PPP2R2B: variants seen among roughly 807,000 people sequenced by gnomAD.
The protein encoded by PPP2R2B is protein phosphatase 2 regulatory subunit Bbeta.
A neutral mutation model predicts 46.0 loss-of-function variants in PPP2R2B; 5 were observed. The observed-to-expected ratio is 0.11, with a 90% CI of 0.06 to 0.23. PPP2R2B has a LOEUF of 0.23. PPP2R2B is among the 10% of genes least tolerant of loss of function. PPP2R2B has a pLI of 1.00. For missense variants in PPP2R2B, 367 were observed against 575.0 expected, an observed-to-expected ratio of 0.64 and a Z score of 3.70; for synonymous variants, 215 against 206.7, an observed-to-expected ratio of 1.04 and a Z score of -0.34.
chr5:146,856,568 G>T, intron 2 of PPP2R2B: 1 of 1,612,514 alleles, frequency 6.2e-7, no homozygotes, highest in Non-Finnish European at 8.5e-7. Context: ...CTCTGTCTTG[G>T]GTTCTCCCTT....
At chr5:146,835,405 G>A (rs554625509) in intron 2 of PPP2R2B, among the ~76,000 whole-genome samples, 7 of 152,202 alleles carry the variant, frequency 4.6e-5, no homozygotes, top group Non-Finnish European at 1.0e-4. Flanking sequence ...GAAGCATAGA[G>A]CCCACTTCAG....
chr5:146,723,190 G>A (rs190509226), intron 2 of PPP2R2B, among the ~76,000 whole-genome samples: 138 of 152,294 alleles, frequency 9.1e-4, no homozygotes, highest in African/African-American at 3.3e-3. Context: ...CAGTGTATGG[G>A]TATGGTACAT....
chr5:146,589,720 G>T lies in PPP2R2B; in HGVS notation c.*227C>A. On this transcript the variant is annotated 3_prime_UTR_variant, in exon 10 of 10. Coordinates refer to ENST00000394411, the MANE Select transcript of PPP2R2B (RefSeq NM_181675.4). ...GTCAACTATGGAAGAATTACTGTTAGCTGGCAGCTTTCAATTCTAAACAGA... is the reference window on the plus strand; with the variant it reads ...GTCAACTATGGAAGAATTACTGTTATCTGGCAGCTTTCAATTCTAAACAGA... The T allele has an allele frequency of 1.9e-6, 1 of 519,572 alleles. No individual in the cohort carries two copies. The highest frequency in any genetic ancestry group is 3.4e-6 in the Non-Finnish European group (1 of 294,844). The allele number at this position is 519,572 out of a possible 1,614,324, so 32.2% of individuals were successfully genotyped here.
At chr5:146,924,463 A>G (rs1383982250) in intron 1 of PPP2R2B, among the ~76,000 whole-genome samples, 6 of 152,168 alleles carry the variant, frequency 3.9e-5, no homozygotes, top group Non-Finnish European at 7.3e-5. Flanking sequence ...GCCCTTCCCA[A>G]GTACTGGAGA....
intron 1 of PPP2R2B, among the ~76,000 whole-genome samples, chr5:146,886,114 G>A (rs1383969943): frequency 2.0e-5 from 3 of 152,118 alleles, no homozygotes; most frequent in African/African-American, 7.2e-5. Flanking sequence ...CGAGGCGGGC[G>A]GATCACGAGG....
At chr5:146,942,102 T>A (rs1284385563) in intron 1 of PPP2R2B, among the ~76,000 whole-genome samples, 1 of 152,182 alleles carries the variant, frequency 6.6e-6, no homozygotes, top group Non-Finnish European at 1.5e-5. Flanking sequence ...TAATTCAGAA[T>A]GATCTCATTT....
chr5:146,710,648 C>T (rs977564936), intron 2 of PPP2R2B, among the ~76,000 whole-genome samples: 2 of 152,176 alleles, frequency 1.3e-5, no homozygotes, highest in African/African-American at 2.4e-5. Flanking sequence ...CATCTGTCAC[C>T]CAATTTTTCA....
chr5:146,905,690 C>A (rs528326446), intron 1 of PPP2R2B, among the ~76,000 whole-genome samples: 3 of 152,254 alleles, frequency 2.0e-5, no homozygotes, highest in South Asian at 2.1e-4. Flanking sequence ...CTATTAAATA[C>A]CCTCTAAATA....
At chr5:146,856,166 C>G (rs1760651260) in intron 2 of PPP2R2B, among the ~76,000 whole-genome samples, 1 of 152,158 alleles carries the variant, frequency 6.6e-6, no homozygotes. Context: ...TTCAACAAAC[C>G]TAACATCAAT....
At chr5:146,707,378 TC>T (rs1779928320) in intron 2 of PPP2R2B, 2 of 799,856 alleles carry the variant, frequency 2.5e-6, no homozygotes, top group African/African-American at 1.7e-5. Flanking sequence ...GGGTTCACCT[TC>T]AGGTTAAGGG....
intron 1 of PPP2R2B, among the ~76,000 whole-genome samples, chr5:147,054,064 C>A (rs1756956690): frequency 6.6e-6 from 1 of 152,148 alleles, no homozygotes. Flanking sequence ...TTGACATAAG[C>A]AAAATGAGGT....
rs192295389 is a variant in PPP2R2B, at chr5:146,858,870, T to C, written c.70+19132A>G. Reference sequence around the variant, plus strand: ...CTCTTCCACTTGGCAAGAGTAACAATGAGTGACTTTAGGAATGAGACACAA... The same window carrying C: ...CTCTTCCACTTGGCAAGAGTAACAACGAGTGACTTTAGGAATGAGACACAA... On this transcript the variant is annotated intron_variant, in intron 2 of 9. Transcript: ENST00000394411. Among the ~76,000 whole-genome samples the C allele has an allele frequency of 1.7e-3, 265 of 152,226 alleles. 1 individual carries two copies. Among genetic ancestry groups the C allele is most frequent in the African/African-American group, 5.7e-3 (237 of 41,544 alleles).
chr5:146,597,688 A>C (rs557122256), intron 8 of PPP2R2B, among the ~76,000 whole-genome samples: 48 of 152,178 alleles, frequency 3.2e-4, no homozygotes, highest in African/African-American at 1.1e-3. Flanking sequence ...TCCCTGAGCA[A>C]CCCTACCACC....
rs74913470 is a variant in PPP2R2B, at chr5:147,030,081, T to G, written c.79+25584A>C. Among the ~76,000 whole-genome samples, 1,706 of 152,336 alleles carry G rather than the reference T, an allele frequency of 0.011. 96 individuals carry two copies. The East Asian group carries it at 0.18, about 16-fold the overall frequency. ...GAATTGCATGTTGCTGTATATCACC[T>G]AGGAAAGAATAAACAACTTTACAAT... On this transcript the variant is annotated intron_variant, in intron 1 of 8. Transcript: ENST00000336640.
At chr5:146,885,818 C>A (rs1266928291) in intron 1 of PPP2R2B, among the ~76,000 whole-genome samples, 1 of 152,080 alleles carries the variant, frequency 6.6e-6, no homozygotes, top group Non-Finnish European at 1.5e-5. Context: ...TTGAAACATG[C>A]CACAACATAG....
chr5:146,863,226 A>AT (rs1761113431), intron 2 of PPP2R2B, among the ~76,000 whole-genome samples: 3 of 152,152 alleles, frequency 2.0e-5, no homozygotes, highest in Non-Finnish European at 2.9e-5. Context: ...AAAACATAGT[A>AT]TGTCAGTTTC....
chr5:146,818,842 C>T (rs959048765), intron 2 of PPP2R2B, among the ~76,000 whole-genome samples: 6 of 152,148 alleles, frequency 3.9e-5, no homozygotes, highest in Admixed American at 3.9e-4. Context: ...AACCTTGAGC[C>T]ATTACTTTAA....
chr5:146,946,293 T>A (rs1224326504), intron 1 of PPP2R2B, among the ~76,000 whole-genome samples: 2 of 152,046 alleles, frequency 1.3e-5, no homozygotes, highest in African/African-American at 2.4e-5. Flanking sequence ...GGCTCTGATA[T>A]CTGTCTTCCC....
At position 146,878,554 on chromosome 5, in the gene PPP2R2B, G is replaced by T; in HGVS notation, c.-125+37C>A. The stretch of plus-strand genomic sequence containing the variant: ...AATGGTGCCTTTCTGGACCCGAGCT[G>T]CAGTGGCGAGATGGCAGGGACAGGA... On this transcript the variant is annotated intron_variant, in intron 1 of 9. Coordinates refer to ENST00000394411, the MANE Select transcript of PPP2R2B (RefSeq NM_181675.4). This position sits in a 1 kb window ranked among gnomAD's most constrained non-coding sequence, Gnocchi z 4.5. The T allele has an allele frequency of 8.0e-7, 1 of 1,255,770 alleles. No homozygotes were observed. Among genetic ancestry groups the T allele is most frequent in the East Asian group, 3.3e-5 (1 of 30,232 alleles). The allele number at this position is 1,255,770 out of a possible 1,614,324, so 77.8% of individuals were successfully genotyped here. A position where few individuals can be genotyped will look rare whatever the true frequency, so the allele number is the denominator to read the frequency against.
Sources: allele counts gnomAD v4.1 joint callset (sites outside exome capture counted in the v4.1 genomes callset), GRCh38; gene constraint gnomAD v4.1.1; non-coding constraint Gnocchi (gnomAD v3.1); transcripts MANE v1.5; gene names NCBI Gene and HGNC (gene_info 2026-07-23, HGNC 2026-07-21).